Variants in TET3 observed in about 807,000 individuals in gnomAD.
TET3 encodes methylcytosine dioxygenase TET3.
In TET3, 19 loss-of-function variants were observed where a neutral mutation model predicts 141.4. The observed-to-expected ratio is 0.13, with a 90% confidence interval of 0.09 to 0.20. TET3 has a LOEUF of 0.20. Ranked by LOEUF, TET3 falls within the 10% of genes least tolerant of loss-of-function variation. The pLI is 1.00. For missense variants in TET3, 1,874 were observed against 2,356.9 expected (o/e 0.80, Z 4.24); for synonymous variants, 1,043 against 980.9 (o/e 1.06, Z -1.18).
chr2:74,073,677 GCTGTTAATGGAATA>G (rs750996299), intron 5 of TET3, 38 bp downstream of exon 5: 2 of 1,509,456 alleles, frequency 1.3e-6, no homozygotes, highest in Non-Finnish European at 1.8e-6. Context: ...AAATGGATGT[GCTGTTAATGGAATA>G]CGGATATTAA....
chr2:73,986,370 C>T lies in TET3; in HGVS notation c.-34C>T, dbSNP rs1208378003. The T allele has an allele frequency of 4.1e-6, 5 of 1,231,992 alleles. No homozygotes were observed. Among genetic ancestry groups the T allele is most frequent in the Non-Finnish European group, 5.1e-6 (5 of 988,106 alleles). The allele number at this position is 1,231,992 out of a possible 1,614,324, so 76.3% of individuals were successfully genotyped here. On this transcript the variant is annotated 5_prime_UTR_variant, in exon 2 of 12. Transcript: ENST00000409262. ...GTGGCAGGAAACGACTGTGGTTCTG[C>T]CCCAGCACCTATGACCCCACCTCTG...
At chr2:74,056,528 T>G (rs141260095) in intron 4 of TET3, among the ~76,000 whole-genome samples, 1 of 152,196 alleles carries the variant, frequency 6.6e-6, no homozygotes, top group African/African-American at 2.4e-5. Flanking sequence ...TACCATGTAT[T>G]TTAGAAAGGG....
At chr2:74,032,553 C>T (rs1354707049) in intron 3 of TET3, among the ~76,000 whole-genome samples, 4 of 136,176 alleles carry the variant, frequency 2.9e-5, no homozygotes, top group African/African-American at 8.8e-5. Flanking sequence ...GGAGCTGCCT[C>T]CGCGTCATGA....
intron 5 of TET3, among the ~76,000 whole-genome samples, chr2:74,077,606 ACAGT>A (rs897362681): frequency 7.9e-5 from 12 of 151,874 alleles, no homozygotes; most frequent in South Asian, 6.2e-4. Context: ...ACACAAAGAG[ACAGT>A]CAGTTCTGTT....
upstream of TET3, among the ~76,000 whole-genome samples, chr2:73,984,009 G>A (rs1683874053): frequency 1.3e-5 from 2 of 152,238 alleles, no homozygotes; most frequent in African/African-American, 2.4e-5. This position sits in a 1 kb window ranked among gnomAD's most constrained non-coding sequence, Gnocchi z 5.6. Context: ...GGGCAGTTTG[G>A]CAACTTGGAA....
chr2:73,985,608 G>A (rs1334397892), intron 1 of TET3, among the ~76,000 whole-genome samples: 1 of 151,358 alleles, frequency 6.6e-6, no homozygotes, highest in Non-Finnish European at 1.5e-5. Flanking sequence ...GCCGAGCGAG[G>A]CTCTCAGCAA....
chr2:74,067,031 C>A (rs1018537953), intron 4 of TET3, among the ~76,000 whole-genome samples: 2 of 152,108 alleles, frequency 1.3e-5, no homozygotes, highest in African/African-American at 2.4e-5. Flanking sequence ...GTGTGGTCTC[C>A]TAGCACCTAT....
In TET3 at chr2:74,102,302, AT is replaced by A; in HGVS notation, c.*127del. 5 of 1,263,164 alleles carry A rather than the reference AT, an allele frequency of 4.0e-6. No homozygotes were observed. The highest frequency in any genetic ancestry group is 4.0e-6 in the Non-Finnish European group (4 of 998,934). 78.2% of individuals were successfully genotyped at this position (1,263,164 alleles called of 1,614,324 possible). On this transcript the variant is annotated 3_prime_UTR_variant, in exon 12 of 12. Transcript: ENST00000409262. ...TTTTTATCTCTATATACATATATAG[AT>A]GCGCATATCATATATATGTATTTAT...
chr2:74,080,434 G>C, intron 5 of TET3, 64 bp from the exon 6 acceptor site: 1 of 1,460,664 alleles, frequency 6.8e-7, no homozygotes, highest in Non-Finnish European at 9.4e-7. Flanking sequence ...GCTGTCTTCT[G>C]ACCAAAAGTT....
Position 74,065,592 on chromosome 2 carries a change from GTCCT to G in TET3, c.2495-7949_2495-7946del, listed in dbSNP as rs1196253592. On this transcript the variant is annotated intron_variant, in intron 4 of 11. Transcript: ENST00000409262. ...TTTGGCTTGGTCACCTGGTTCGTCC[GTCCT>G]TCCTTCCGTCCGTCCGTCCGTCCGT... Among the ~76,000 whole-genome samples, 7 of 133,062 alleles carry G rather than the reference GTCCT, an allele frequency of 5.3e-5. No individual in the cohort carries two copies. The East Asian group carries it at 6.2e-4, about 12-fold the overall frequency. The allele number at this position is 133,062 out of a possible 152,430, so 87.3% of individuals were successfully genotyped here.
chr2:74,077,024 C>G (rs905313182), intron 5 of TET3, among the ~76,000 whole-genome samples: 1 of 152,230 alleles, frequency 6.6e-6, no homozygotes, highest in Non-Finnish European at 1.5e-5. Context: ...AAACTCGTAT[C>G]TGAGACCGGT....
intron 3 of TET3, among the ~76,000 whole-genome samples, chr2:74,024,139 C>T (rs769919153): frequency 6.6e-6 from 1 of 152,126 alleles, no homozygotes; most frequent in East Asian, 1.9e-4. Context: ...TTTCCTTCAT[C>T]CTGGAGTTAT....
At chr2:74,002,860 T>G in intron 2 of TET3, 1 of 565,038 alleles carries the variant, frequency 1.8e-6, no homozygotes, top group Non-Finnish European at 3.2e-6. Context: ...CGCCGTCCTC[T>G]CGGATCTCGG....
chr2:74,048,488 T>G (rs1410706254), intron 4 of TET3, 77 bp downstream of exon 4: 19 of 1,438,110 alleles, frequency 1.3e-5, no homozygotes, highest in Non-Finnish European at 1.7e-5. Context: ...GGCCCTGCCT[T>G]TCATTTGGCA....
Position 74,046,547 on chromosome 2 carries a change from G to A in TET3, c.630G>A (p.Val210=), listed in dbSNP as rs1687631038. 6.2e-7 allele frequency: 1 copy of A among 1,614,016 alleles called. No homozygotes were observed. ...CCTTTTCGGCTGTGGCCGAAGCTGTGTCCTCTTATGGGGCCCTTAGCACCC... is the reference window on the plus strand; with the variant it reads ...CCTTTTCGGCTGTGGCCGAAGCTGTATCCTCTTATGGGGCCCTTAGCACCC... ...LVAFSAVAEA[V]SSYGALSTRL... The change falls in exon 4 of 12, where the codon GTG becomes GTA. Residue 210 remains valine (V), a synonymous_variant. Transcript: ENST00000409262. This position sits in a 1 kb window ranked among gnomAD's most constrained non-coding sequence, Gnocchi z 4.3.
At chr2:74,020,700 C>T (rs1685989343) in intron 3 of TET3, among the ~76,000 whole-genome samples, 2 of 152,200 alleles carry the variant, frequency 1.3e-5, no homozygotes, top group African/African-American at 2.4e-5. Context: ...ACCTCTTGTT[C>T]AAGGGCTTGA....
intron 3 of TET3, among the ~76,000 whole-genome samples, chr2:74,011,179 G>A (rs2105191928): frequency 7.2e-6 from 1 of 139,138 alleles, no homozygotes; most frequent in African/African-American, 2.8e-5. Flanking sequence ...AGTGGGCCAA[G>A]ATCGTGCCAC....
chr2:73,996,760 C>T (rs534402845), intron 2 of TET3, among the ~76,000 whole-genome samples: 1 of 152,166 alleles, frequency 6.6e-6, no homozygotes, highest in Admixed American at 6.5e-5. Context: ...CTGCCTGCCT[C>T]GGCCTCCCAA....
chr2:74,000,462 T>C (rs1336415339), intron 2 of TET3, among the ~76,000 whole-genome samples: 1 of 152,138 alleles, frequency 6.6e-6, no homozygotes, highest in East Asian at 1.9e-4. Context: ...TCATGGGAGC[T>C]TGGTGATCTG....
Sources: allele counts gnomAD v4.1 joint callset (sites outside exome capture counted in the v4.1 genomes callset), GRCh38; gene constraint gnomAD v4.1.1; non-coding constraint Gnocchi (gnomAD v3.1); transcripts MANE v1.5; gene names NCBI Gene and HGNC (gene_info 2026-07-23, HGNC 2026-07-21).